ATP8B2: variants seen among roughly 807,000 people sequenced by gnomAD.
ATP8B2 encodes the protein ATPase phospholipid transporting 8B2.
ATP8B2 carries 70 observed loss-of-function variants against 133.4 expected under a neutral mutation model. The ratio of observed to expected loss-of-function variants is 0.52; its 90% confidence interval spans 0.43 to 0.64. ATP8B2 has a LOEUF of 0.64. Among genes scored for constraint, ATP8B2 ranks in the 30% least tolerant of loss-of-function variants. ATP8B2 has a pLI of 0.00. For synonymous variants in ATP8B2, 517 were observed against 589.5 expected (o/e 0.88, Z 1.78); for missense variants, 1,101 against 1,535.7 (o/e 0.72, Z 4.73).
chr1:154,346,487 A>G lies in ATP8B2; in HGVS notation c.3024+11A>G. On this transcript the variant is annotated intron_variant, in intron 25 of 27. Coordinates refer to ENST00000368489, the MANE Select transcript of ATP8B2 (RefSeq NM_001370597.1). The surrounding 1 kb of genome is among the most constrained non-coding windows in gnomAD (Gnocchi z 4.5). Reference sequence around the variant, plus strand: ...GTGGTTAGCGTGCAGGTATGAGGCCATCCAGGAACTCCCCTCTTCTCTGGA... The same window carrying G: ...GTGGTTAGCGTGCAGGTATGAGGCCGTCCAGGAACTCCCCTCTTCTCTGGA... The G allele has an allele frequency of 6.2e-7, 1 of 1,608,524 alleles. No individual in the cohort carries two copies. The highest frequency in any genetic ancestry group is 8.5e-7 in the Non-Finnish European group (1 of 1,176,098).
chr1:154,349,227 C>T lies in ATP8B2; in HGVS notation c.*109C>T, dbSNP rs1686706482. 3 of 1,368,124 alleles carry T rather than the reference C, an allele frequency of 2.2e-6. No homozygotes were observed. In the South Asian group the frequency reaches 4.2e-5, roughly 19 times the overall value. The allele number at this position is 1,368,124 out of a possible 1,614,324, so 84.7% of individuals were successfully genotyped here. A position where few individuals can be genotyped will look rare whatever the true frequency, so the allele number is the denominator to read the frequency against. On this transcript the variant is annotated 3_prime_UTR_variant, in exon 28 of 28. Transcript: ENST00000368489. The stretch of plus-strand genomic sequence containing the variant: ...GGTCCTCATTCCTTGCTTCCCGTCC[C>T]CCCGGTAGACTCTGTCCTGCTGGTC...
At chr1:154,348,017 A>C (rs1369614052) in intron 26 of ATP8B2, among the ~76,000 whole-genome samples, 4 of 19,336 alleles carry the variant, frequency 2.1e-4, no homozygotes, top group African/African-American at 2.3e-4. Flanking sequence ...AAGATAAAAA[A>C]CAACAAAAAA....
intron 8 of ATP8B2, 37 bp downstream of exon 8, chr1:154,332,061 T>C: frequency 1.3e-6 from 2 of 1,590,830 alleles, no homozygotes; most frequent in Non-Finnish European, 1.7e-6. Context: ...TCTCCTTCTG[T>C]CTCTTTGGAG....
Position 154,345,449 on chromosome 1 carries a change from G to T in ATP8B2, c.2598G>T (p.Leu866=), listed in dbSNP as rs200044020. 37 of 1,614,200 alleles carry T rather than the reference G, an allele frequency of 2.3e-5. No homozygotes were observed. In the East Asian group the frequency reaches 8.0e-4, roughly 35 times the overall value. The change falls in exon 23 of 28, where the codon CTG becomes CTT. Residue 866 remains leucine (L), a synonymous_variant. Coordinates refer to ENST00000368489, the MANE Select transcript of ATP8B2 (RefSeq NM_001370597.1). This position sits in a 1 kb window ranked among gnomAD's most constrained non-coding sequence, Gnocchi z 5.6. ...LLLVHGRWSY[L]RMCKFLCYFF... The stretch of plus-strand genomic sequence containing the variant: ...TGGTGCATGGGCGCTGGTCCTACCT[G>T]CGAATGTGCAAGTTTCTTTGCTATT...
At position 154,351,124 on chromosome 1, in the gene ATP8B2, A is replaced by T. The variant is rs1446413107; in HGVS notation, c.*2006A>T. ...ATTATATAAATATATATATACAGTT[A>T]TATATATATATATTATTTTTTGGTT... On this transcript the variant is annotated 3_prime_UTR_variant, in exon 28 of 28. Coordinates refer to ENST00000368489, the MANE Select transcript of ATP8B2 (RefSeq NM_001370597.1). 1 of 148,060 alleles carries T rather than the reference A, an allele frequency of 6.8e-6. No homozygotes were observed. The highest frequency in any genetic ancestry group is 2.5e-5 in the African/African-American group (1 of 40,432). 9.2% of individuals were successfully genotyped at this position (148,060 alleles called of 1,614,324 possible).
At chr1:154,333,915 A>T (rs770251679) in intron 9 of ATP8B2, among the ~76,000 whole-genome samples, 192 bp from the exon 10 acceptor site, 2 of 152,172 alleles carry the variant, frequency 1.3e-5, no homozygotes, top group Non-Finnish European at 2.9e-5. Context: ...GATTACAGGC[A>T]TGAGCTGCCG....
intron 8 of ATP8B2, among the ~76,000 whole-genome samples, 163 bp from the exon 9 acceptor site, chr1:154,332,455 G>A (rs186009420): frequency 1.8e-4 from 27 of 152,344 alleles, no homozygotes; most frequent in Non-Finnish European, 7.3e-5. Context: ...CCACTTGGGA[G>A]GCTGAGGCGG....
chr1:154,330,374 C>T, intron 2 of ATP8B2, 22 bp from the exon 3 acceptor site: 6 of 1,612,956 alleles, frequency 3.7e-6, no homozygotes, highest in East Asian at 2.2e-5. Context: ...CTCCTCCTGA[C>T]TGCAGCATCA....
rs767004013 is a variant in ATP8B2, at chr1:154,344,518, G to A, written c.2141+18G>A. ...GAGCTCAGGTAAACAAGAAGCCCAG[G>A]GGAGGCGGTGCTGTGCGTTGTGCCC... On this transcript the variant is annotated intron_variant, in intron 20 of 27. Transcript: ENST00000368489. The surrounding 1 kb of genome is among the most constrained non-coding windows in gnomAD (Gnocchi z 4.1). The A allele has an allele frequency of 6.2e-7, 1 of 1,614,106 alleles. No individual in the cohort carries two copies. The highest frequency in any genetic ancestry group is 8.5e-7 in the Non-Finnish European group (1 of 1,180,014).
At chr1:154,333,057 C>T (rs752779911) in intron 9 of ATP8B2, among the ~76,000 whole-genome samples, 14 of 152,172 alleles carry the variant, frequency 9.2e-5, no homozygotes, top group Non-Finnish European at 1.9e-4. Flanking sequence ...CGCCTGTAAT[C>T]CCAGCACTTT....
In ATP8B2 at chr1:154,343,361, G is replaced by A; in HGVS notation, c.1642+60G>A. 1.2e-6 allele frequency: 2 copies of A among 1,605,958 alleles called. No individual in the cohort carries two copies. Among genetic ancestry groups the A allele is most frequent in the Non-Finnish European group, 1.7e-6 (2 of 1,174,122 alleles). On this transcript the variant is annotated intron_variant, in intron 16 of 27. Coordinates refer to ENST00000368489, the MANE Select transcript of ATP8B2 (RefSeq NM_001370597.1). The surrounding 1 kb of genome is among the most constrained non-coding windows in gnomAD (Gnocchi z 5.8). ...GACAGCATTCAGGCCTGGAATGGGT[G>A]AAGTGTGCCGGGTGACTCTTGATGT...
At position 154,331,360 on chromosome 1, in the gene ATP8B2, A is replaced by T. The variant is rs1377377243; in HGVS notation, c.304-84A>T. 6.8e-7 allele frequency: 1 copy of T among 1,464,562 alleles called. No individual in the cohort carries two copies. The highest frequency in any genetic ancestry group is 9.5e-7 in the Non-Finnish European group (1 of 1,047,674). The allele number at this position is 1,464,562 out of a possible 1,614,324, so 90.7% of individuals were successfully genotyped here. The stretch of plus-strand genomic sequence containing the variant: ...GTGATGGGGTGTGTATGAGGCGTTA[A>T]CCAGCATGCTCTGAGTTCTACTGAT... On this transcript the variant is annotated intron_variant, in intron 5 of 27. Coordinates refer to ENST00000368489, the MANE Select transcript of ATP8B2 (RefSeq NM_001370597.1). This position sits in a 1 kb window ranked among gnomAD's most constrained non-coding sequence, Gnocchi z 4.8.
At position 154,348,927 on chromosome 1, in the gene ATP8B2, G is replaced by A. The variant is rs755265171; in HGVS notation, c.3382G>A (p.Gly1128Ser). The stretch of plus-strand genomic sequence containing the variant: ...TGGCCGCACTGGCTCCCGGCGCTCC[G>A]GCTATGCCTTCTCCCATCAGGAGGG... ...RVGRTGSRRS[G>S]YAFSHQEGFG... Residue 1128 changes from glycine to serine, a missense_variant, in exon 28 of 28, where the codon GGC (glycine) becomes AGC (serine). Physicochemically the swap from Gly to Ser is moderately conservative, Grantham distance 56 (BLOSUM62 0). Coordinates refer to ENST00000368489, the MANE Select transcript of ATP8B2 (RefSeq NM_001370597.1). 8 of 1,614,150 alleles carry A rather than the reference G, an allele frequency of 5.0e-6. No homozygotes were observed. Among genetic ancestry groups the A allele is most frequent in the South Asian group, 1.1e-5 (1 of 91,086 alleles).
chr1:154,343,476 C>A lies in ATP8B2; in HGVS notation c.1666C>A (p.Arg556=). ...VIVRNPEGKI[R]LYCKGADTIL... is the part of the protein sequence containing the mutation. ...AGTGCGGAATCCAGAGGGGAAGATCCGACTCTACTGCAAAGGGGCTGACAC... is the reference window on the plus strand; with the variant it reads ...AGTGCGGAATCCAGAGGGGAAGATCAGACTCTACTGCAAAGGGGCTGACAC... Residue 556 remains arginine, a synonymous_variant, in exon 17 of 28, where the codon CGA becomes AGA. Transcript: ENST00000368489. This position sits in a 1 kb window ranked among gnomAD's most constrained non-coding sequence, Gnocchi z 5.8. 1 of 1,614,038 alleles carries A rather than the reference C, an allele frequency of 6.2e-7. No homozygotes were observed. Among genetic ancestry groups the A allele is most frequent in the Non-Finnish European group, 8.5e-7 (1 of 1,180,024 alleles).
At position 154,344,636 on chromosome 1, in the gene ATP8B2, G is replaced by A. The variant is rs373960806; in HGVS notation, c.2142-5G>A. ...ACCACAACCGTATCATTTCCACCTCGACAGGAAAGCCCGGGAGAAGATGAT... is the reference window on the plus strand; with the variant it reads ...ACCACAACCGTATCATTTCCACCTCAACAGGAAAGCCCGGGAGAAGATGAT... On this transcript the variant is annotated splice_region_variant and splice_polypyrimidine_tract_variant and intron_variant, in intron 20 of 27. Transcript: ENST00000368489. This position sits in a 1 kb window ranked among gnomAD's most constrained non-coding sequence, Gnocchi z 4.1. 3.1e-6 allele frequency: 5 copies of A among 1,606,710 alleles called. No homozygotes were observed. The highest frequency in any genetic ancestry group is 3.4e-6 in the Non-Finnish European group (4 of 1,173,838).
intron 12 of ATP8B2, 40 bp downstream of exon 12, chr1:154,337,584 A>G (rs1686231523): frequency 1.9e-6 from 3 of 1,614,172 alleles, no homozygotes; most frequent in Middle Eastern, 1.6e-4. Context: ...CCAGGGAGTC[A>G]GGCGGTCCCA....
rs548683165 is a variant in ATP8B2 at position 154,340,109 on chromosome 1, G to C, written c.1035-745G>C. ...GTGGGAGGATTGCTTGAGCCCAGGA[G>C]TTTGAGGCTACAGTGAGCTATGATT... On this transcript the variant is annotated intron_variant, in intron 12 of 27. Transcript: ENST00000368489. The surrounding 1 kb of genome is among the most constrained non-coding windows in gnomAD (Gnocchi z 4.0). Among the ~76,000 whole-genome samples, 4 of 152,222 alleles carry C rather than the reference G, an allele frequency of 2.6e-5. No homozygotes were observed. The highest frequency in any genetic ancestry group is 9.6e-5 in the African/African-American group (4 of 41,516).
In ATP8B2 at chr1:154,345,977, C is replaced by G; in HGVS notation, c.2778+94C>G. 7.9e-7 allele frequency: 1 copy of G among 1,271,268 alleles called. No individual in the cohort carries two copies. The allele number at this position is 1,271,268 out of a possible 1,614,324, so 78.7% of individuals were successfully genotyped here. On this transcript the variant is annotated intron_variant, in intron 24 of 27. Coordinates refer to ENST00000368489, the MANE Select transcript of ATP8B2 (RefSeq NM_001370597.1). The surrounding 1 kb of genome is among the most constrained non-coding windows in gnomAD (Gnocchi z 5.6). Reference sequence around the variant, plus strand: ...GGTGTGTGACACTTGTGCCCATTTCCTGTGGCCACTGGGAAGGCAGTTCTT... The same window carrying G: ...GGTGTGTGACACTTGTGCCCATTTCGTGTGGCCACTGGGAAGGCAGTTCTT...
intron 26 of ATP8B2, 26 bp from the exon 27 acceptor site, chr1:154,348,382 G>A (rs201545315): frequency 6.3e-7 from 1 of 1,586,450 alleles, no homozygotes; most frequent in East Asian, 2.3e-5. Flanking sequence ...TGACTCCCAA[G>A]GCCACTGACT....
Sources: allele counts gnomAD v4.1 joint callset (sites outside exome capture counted in the v4.1 genomes callset), GRCh38; gene constraint gnomAD v4.1.1; non-coding constraint Gnocchi (gnomAD v3.1); transcripts MANE v1.5; gene names NCBI Gene and HGNC (gene_info 2026-07-23, HGNC 2026-07-21).